Variants in NTN4 observed in about 807,000 individuals in gnomAD.
The protein encoded by NTN4 is netrin 4, also known as netrin-4.
In NTN4, 32 loss-of-function variants were observed where a neutral mutation model predicts 73.6. The observed-to-expected ratio is 0.44, with a 90% CI of 0.33 to 0.58. NTN4 has a LOEUF of 0.58. Ranked by LOEUF, NTN4 falls within the 20% of genes least tolerant of loss-of-function variation. The pLI is 0.04. For synonymous variants in NTN4, 258 were observed against 287.5 expected (o/e 0.90, Z 1.04); for missense variants, 654 against 798.3 (o/e 0.82, Z 2.18).
At chr12:95,690,290 A>G (rs561177674) in intron 5 of NTN4, among the ~76,000 whole-genome samples, 74 of 152,354 alleles carry the variant, frequency 4.9e-4, no homozygotes, top group African/African-American at 1.7e-3. Context: ...AGCACCTGCT[A>G]TGTGCTAAGT....
intron 2 of NTN4, among the ~76,000 whole-genome samples, chr12:95,742,523 C>T (rs2078834151): frequency 6.6e-6 from 1 of 152,034 alleles, no homozygotes; most frequent in Non-Finnish European, 1.5e-5. Context: ...ACATATTGCT[C>T]CATGCCTAAC....
intron 5 of NTN4, among the ~76,000 whole-genome samples, chr12:95,706,181 T>C (rs1398692087): frequency 3.3e-5 from 5 of 152,202 alleles, no homozygotes; most frequent in Non-Finnish European, 5.9e-5. Flanking sequence ...TCATACTCTT[T>C]TTATAAAACT....
At chr12:95,736,526 T>G (rs755154046) in intron 3 of NTN4, among the ~76,000 whole-genome samples, 14 of 152,214 alleles carry the variant, frequency 9.2e-5, no homozygotes, top group Non-Finnish European at 1.9e-4. Context: ...ACATAAACTT[T>G]CTAGTTCACA....
intron 5 of NTN4, among the ~76,000 whole-genome samples, chr12:95,699,024 T>TA (rs34883760): frequency 0.47 from 65,535 of 140,350 alleles, 16,368 homozygotes; most frequent in South Asian, 0.67. Context: ...CTTCTTGGAT[T>TA]AAAAAAAAAA....
chr12:95,781,885 A>G lies in NTN4; in HGVS notation c.585+5054T>C, dbSNP rs2079135284. ...CTCTCTATCTCCCCATCCCCACATTAGAATCTGAGTTTCATGGATACAGGG... is the reference window on the plus strand; with the variant it reads ...CTCTCTATCTCCCCATCCCCACATTGGAATCTGAGTTTCATGGATACAGGG... On this transcript the variant is annotated intron_variant, in intron 2 of 9. Transcript: ENST00000343702. The surrounding 1 kb of genome is among the most constrained non-coding windows in gnomAD (Gnocchi z 4.1). Among the ~76,000 whole-genome samples the G allele has an allele frequency of 6.6e-6, 1 of 152,132 alleles. No homozygotes were observed. Among genetic ancestry groups the G allele is most frequent in the South Asian group, 2.1e-4 (1 of 4,824 alleles).
Position 95,661,792 on chromosome 12 carries a change from G to C in NTN4, c.1751-2570C>G, listed in dbSNP as rs573825684. On this transcript the variant is annotated intron_variant, in intron 9 of 9. Transcript: ENST00000343702. ...AATGTTGATGGTCAGATAATGGATA[G>C]GGCATCTGACCTGGTTTCCTCAACA... 6.6e-5 allele frequency among the ~76,000 whole-genome samples: 10 copies of C among 152,262 alleles called. No homozygotes were observed. In the South Asian group the frequency reaches 1.2e-3, roughly 19 times the overall value.
rs771955093 is a variant in NTN4 at position 95,737,859 on chromosome 12, C to T, written c.864+7G>A. On this transcript the variant is annotated splice_region_variant and intron_variant, in intron 3 of 9. Coordinates refer to ENST00000343702, the MANE Select transcript of NTN4 (RefSeq NM_021229.4). ...GTTTTTCTTAGGGGAGGACTTGTTT[C>T]ACCTACCATGTGGAATGTTCCTGGG... 1 of 1,602,700 alleles carries T rather than the reference C, an allele frequency of 6.2e-7. No homozygotes were observed. The highest frequency in any genetic ancestry group is 8.5e-7 in the Non-Finnish European group (1 of 1,172,522).
At chr12:95,685,585 A>C (rs2078354992) in intron 5 of NTN4, among the ~76,000 whole-genome samples, 1 of 152,172 alleles carries the variant, frequency 6.6e-6, no homozygotes, top group Admixed American at 6.5e-5. Flanking sequence ...TTCATGCTGC[A>C]CCTTCTCAAC....
chr12:95,748,230 C>CAAAAAAAAA (rs769213172), intron 2 of NTN4, among the ~76,000 whole-genome samples: 1 of 76,550 alleles, frequency 1.3e-5, no homozygotes, highest in African/African-American at 5.0e-5. Context: ...GACTCTGTCT[C>CAAAAAAAAA]AAAAAAAAAA....
rs767705581 is a variant in NTN4 at position 95,710,460 on chromosome 12, T to C, written c.1161A>G (p.Ser387=). The change falls in exon 5 of 10, where the codon TCA becomes TCG. Residue 387 remains serine, a synonymous_variant. Coordinates refer to ENST00000343702, the MANE Select transcript of NTN4 (RefSeq NM_021229.4). ...GFYRDLRRPF[S]APDACKPCSC... ...ACTTACGTTTGCAAGCATCTGGAGC[T>C]GAGAAGGGTCTCCGCAGGTCACGAT... The C allele has an allele frequency of 6.2e-7, 1 of 1,613,632 alleles. No homozygotes were observed. The highest frequency in any genetic ancestry group is 1.1e-5 in the South Asian group (1 of 90,978).
intron 5 of NTN4, among the ~76,000 whole-genome samples, chr12:95,688,822 A>G (rs1333853122): frequency 6.6e-6 from 1 of 151,994 alleles, no homozygotes; most frequent in East Asian, 1.9e-4. Context: ...CAAGCAGTTA[A>G]CAGTGTCAAA....
At chr12:95,697,972 A>G (rs1198728540) in intron 5 of NTN4, among the ~76,000 whole-genome samples, 2 of 152,216 alleles carry the variant, frequency 1.3e-5, no homozygotes, top group African/African-American at 4.8e-5. Flanking sequence ...CAATACAACT[A>G]AACACTACAG....
rs1400581709 is a variant in NTN4 at position 95,683,713 on chromosome 12, T to C, written c.1181-2A>G. ...ATCCTACTGGATGGCAGGAACACGC[T>C]ACAACAGAGAGGACACGCAAGGATC... is the stretch of plus-strand genomic sequence containing the variant. On this transcript the variant is annotated splice_acceptor_variant, in intron 5 of 9. Coordinates refer to ENST00000343702, the MANE Select transcript of NTN4 (RefSeq NM_021229.4). LOFTEE classifies it high-confidence loss of function. The C allele has an allele frequency of 6.3e-7, 1 of 1,597,118 alleles. No homozygotes were observed. The highest frequency in any genetic ancestry group is 2.3e-5 in the East Asian group (1 of 44,042).
intron 5 of NTN4, among the ~76,000 whole-genome samples, chr12:95,704,292 T>C (rs749172702): frequency 1.3e-5 from 2 of 152,318 alleles, no homozygotes; most frequent in East Asian, 3.9e-4. Flanking sequence ...TTGTTGTTGA[T>C]GGAACCACAT....
chr12:95,749,499 C>T (rs2078888027), intron 2 of NTN4, among the ~76,000 whole-genome samples: 1 of 152,120 alleles, frequency 6.6e-6, no homozygotes, highest in Non-Finnish European at 1.5e-5. Context: ...CTCCTTTCCA[C>T]TCTTCAATCT....
chr12:95,713,398 T>G, intron 3 of NTN4, 60 bp from the exon 4 acceptor site: 1 of 1,486,004 alleles, frequency 6.7e-7, no homozygotes, highest in Non-Finnish European at 9.1e-7. Flanking sequence ...GAACAGAACA[T>G]GCTTCCCACA....
At chr12:95,716,992 T>A (rs1017270562) in intron 3 of NTN4, among the ~76,000 whole-genome samples, 1 of 152,034 alleles carries the variant, frequency 6.6e-6, no homozygotes, top group African/African-American at 2.4e-5. Context: ...GTATTTTTTG[T>A]AAAGATAGGG....
intron 5 of NTN4, among the ~76,000 whole-genome samples, chr12:95,687,510 C>T (rs374439029): frequency 2.0e-5 from 3 of 151,884 alleles, no homozygotes; most frequent in African/African-American, 7.2e-5. Flanking sequence ...AATCTATTCT[C>T]CTGCCTCAGC....
chr12:95,766,629 A>T (rs2079023064), intron 2 of NTN4, among the ~76,000 whole-genome samples: 1 of 152,230 alleles, frequency 6.6e-6, no homozygotes, highest in Non-Finnish European at 1.5e-5. Flanking sequence ...AAATATCCCA[A>T]GTTAATTGTT....
Sources: allele counts gnomAD v4.1 joint callset (sites outside exome capture counted in the v4.1 genomes callset), GRCh38; gene constraint gnomAD v4.1.1; non-coding constraint Gnocchi (gnomAD v3.1); transcripts MANE v1.5; gene names NCBI Gene and HGNC (gene_info 2026-07-23, HGNC 2026-07-21).